CNNM4: variants seen among roughly 807,000 people sequenced by gnomAD.
CNNM4 encodes the protein cyclin and CBS domain divalent metal cation transport mediator 4.
A neutral mutation model predicts 53.7 loss-of-function variants in CNNM4; 32 were observed. The ratio of observed to expected loss-of-function variants is 0.60; its 90% CI spans 0.45 to 0.80. The LOEUF is 0.80. Among genes scored for constraint, CNNM4 ranks in the 30% least tolerant of loss-of-function variants. CNNM4 has a pLI of 0.00. For missense variants in CNNM4, 784 were observed against 1,022.0 expected (o/e 0.77, Z 3.17); for synonymous variants, 410 against 440.0 (o/e 0.93, Z 0.85).
Position 96,797,738 on chromosome 2 carries a change from G to C in CNNM4, c.1681+91G>C, listed in dbSNP as rs2153349424. 6.4e-7 allele frequency: 1 copy of C among 1,558,368 alleles called. No individual in the cohort carries two copies. The highest frequency in any genetic ancestry group is 8.7e-7 in the Non-Finnish European group (1 of 1,150,612). On this transcript the variant is annotated intron_variant, in intron 3 of 6. Transcript: ENST00000377075. This position sits in a 1 kb window ranked among gnomAD's most constrained non-coding sequence, Gnocchi z 6.0. ...CGGCTGCTTTCCCCCCATAGGACGA[G>C]GGCTGCAGCAGGTGAGGGGTGCAGA...
intron 1 of CNNM4, among the ~76,000 whole-genome samples, chr2:96,795,603 G>A (rs2079096563): frequency 6.6e-6 from 1 of 152,104 alleles, no homozygotes; most frequent in Non-Finnish European, 1.5e-5. Context: ...CCCATCTTGG[G>A]CTGGGGGATT....
chr2:96,808,437 C>A lies in CNNM4; in HGVS notation c.1949-124C>A. The A allele has an allele frequency of 1.1e-6, 1 of 922,764 alleles. No homozygotes were observed. 57.2% of individuals were successfully genotyped at this position (922,764 alleles called of 1,614,324 possible). ...GACCTTCTACATGCTTCTGTTTGTCCCTAAGAATGACTTCCTGTTCCTGGG... is the reference window on the plus strand; with the variant it reads ...GACCTTCTACATGCTTCTGTTTGTCACTAAGAATGACTTCCTGTTCCTGGG... On this transcript the variant is annotated intron_variant, in intron 5 of 6. Transcript: ENST00000377075. This position sits in a 1 kb window ranked among gnomAD's most constrained non-coding sequence, Gnocchi z 4.9.
Position 96,797,270 on chromosome 2 carries a change from C to A in CNNM4, c.1546+115C>A. ...CACAGGAGGCCTAGCATCCAGAGGC[C>A]CAGTGGCTGGGTGCCCTGCACTGGC... On this transcript the variant is annotated intron_variant, in intron 2 of 6. Transcript: ENST00000377075. This position sits in a 1 kb window ranked among gnomAD's most constrained non-coding sequence, Gnocchi z 6.0. 2 of 1,482,572 alleles carry A rather than the reference C, an allele frequency of 1.3e-6. No homozygotes were observed. The highest frequency in any genetic ancestry group is 4.6e-5 in the East Asian group (2 of 43,696). 91.8% of individuals were successfully genotyped at this position (1,482,572 alleles called of 1,614,324 possible).
rs759145970 is a variant in CNNM4 at position 96,809,518 on chromosome 2, C to T, written c.*1C>T. 2 of 1,614,002 alleles carry T rather than the reference C, an allele frequency of 1.2e-6. No individual in the cohort carries two copies. Among genetic ancestry groups the T allele is most frequent in the Admixed American group, 1.7e-5 (1 of 60,008 alleles). Reference sequence around the variant, plus strand: ...AGCCTCCCACGAGAATGCCATCTGACAGGAGGGCCCGGGGCCCCCTGCCCA... The same window carrying T: ...AGCCTCCCACGAGAATGCCATCTGATAGGAGGGCCCGGGGCCCCCTGCCCA... On this transcript the variant is annotated 3_prime_UTR_variant, in exon 7 of 7. Coordinates refer to ENST00000377075, the MANE Select transcript of CNNM4 (RefSeq NM_020184.4).
intron 1 of CNNM4, among the ~76,000 whole-genome samples, chr2:96,781,610 G>A (rs912703680): frequency 6.6e-6 from 1 of 152,186 alleles, no homozygotes; most frequent in Non-Finnish European, 1.5e-5. Context: ...AGGGCACTCT[G>A]TCTAGATATG....
intron 5 of CNNM4, among the ~76,000 whole-genome samples, chr2:96,803,170 A>G (rs537819242): frequency 6.6e-6 from 1 of 152,124 alleles, no homozygotes; most frequent in African/African-American, 2.4e-5. Context: ...CCCCAGTGTG[A>G]CCTCAGCCTC....
chr2:96,788,166 G>A (rs182282141), intron 1 of CNNM4, among the ~76,000 whole-genome samples: 4 of 151,806 alleles, frequency 2.6e-5, no homozygotes, highest in African/African-American at 4.8e-5. Context: ...CAAGTGATCC[G>A]CCCATTTTGG....
Position 96,799,130 on chromosome 2 carries a change from T to C in CNNM4, c.1755T>C (p.Ile585=). 2 of 1,613,490 alleles carry C rather than the reference T, an allele frequency of 1.2e-6. No individual in the cohort carries two copies. Among genetic ancestry groups the C allele is most frequent in the Non-Finnish European group, 1.7e-6 (2 of 1,179,944 alleles). ...LLRLLKYPDV[I]QELKFDEHNK... The stretch of plus-strand genomic sequence containing the variant: ...GGCTACTCAAGTACCCAGATGTCAT[T>C]CAGGAACTCAAGTTTGACGAGCACA... The change falls in exon 4 of 7, where the codon ATT becomes ATC. Residue 585 remains isoleucine, a synonymous_variant. Coordinates refer to ENST00000377075, the MANE Select transcript of CNNM4 (RefSeq NM_020184.4).
chr2:96,789,656 C>G (rs1416261137), intron 1 of CNNM4, among the ~76,000 whole-genome samples: 3 of 152,106 alleles, frequency 2.0e-5, no homozygotes, highest in Non-Finnish European at 4.4e-5. Flanking sequence ...ACCCTGAAGT[C>G]CCAGAGGAAG....
rs1558976503 is a variant in CNNM4 at position 96,761,525 on chromosome 2, C to T, written c.526C>T (p.Pro176Ser). The change falls in exon 1 of 7, where the codon CCT becomes TCT. Residue 176 changes from proline to serine, a missense_variant. Around this residue, in one of 3 missense-constraint regions of CNNM4, gnomAD observed 473 missense variants for 624.6 expected, o/e 0.76. Coordinates refer to ENST00000377075, the MANE Select transcript of CNNM4 (RefSeq NM_020184.4). The surrounding 1 kb of genome is among the most constrained non-coding windows in gnomAD (Gnocchi z 6.0). Reference protein sequence around the residue: ...KDSLLFMVEEPGRFLPLWLHI... With the variant: ...KDSLLFMVEESGRFLPLWLHI... ...CTCACTGCTCTTCATGGTGGAGGAGCCTGGGAGGTTCCTGCCTCTCTGGCT... is the reference window on the plus strand; with the variant it reads ...CTCACTGCTCTTCATGGTGGAGGAGTCTGGGAGGTTCCTGCCTCTCTGGCT... The T allele has an allele frequency of 1.2e-6, 2 of 1,614,056 alleles. No homozygotes were observed. The highest frequency in any genetic ancestry group is 2.2e-5 in the East Asian group (1 of 44,860).
At chr2:96,773,859 AG>A (rs1475302310) in intron 1 of CNNM4, among the ~76,000 whole-genome samples, 1 of 149,234 alleles carries the variant, frequency 6.7e-6, no homozygotes, top group East Asian at 1.9e-4. Flanking sequence ...AAAAAAAAAA[AG>A]TTAATTAAAT....
intron 1 of CNNM4, among the ~76,000 whole-genome samples, chr2:96,782,507 CA>C (rs1185171812): frequency 4.0e-5 from 6 of 151,792 alleles, no homozygotes; most frequent in Admixed American, 6.6e-5. Context: ...GATACCATAT[CA>C]TTTTTTTTTC....
chr2:96,762,092 G>T lies in CNNM4; in HGVS notation c.1093G>T (p.Ala365Ser). The change falls in exon 1 of 7, where the codon GCC becomes TCC. Residue 365 changes from alanine to serine, a missense_variant. Physicochemically the swap from Ala to Ser is moderately conservative, Grantham distance 99. This residue lies in a region of CNNM4 where 473 missense variants were observed against 624.6 expected (regional missense o/e 0.76). Transcript: ENST00000377075. ...VKEELNMIQG[A>S]LELRTKTVED... ...AGAGGAGCTCAATATGATCCAGGGT[G>T]CCCTGGAACTACGGACCAAAACTGT... 1 of 1,614,088 alleles carries T rather than the reference G, an allele frequency of 6.2e-7. No individual in the cohort carries two copies. Among genetic ancestry groups the T allele is most frequent in the Non-Finnish European group, 8.5e-7 (1 of 1,179,996 alleles).
intron 1 of CNNM4, among the ~76,000 whole-genome samples, chr2:96,789,310 G>A (rs1260506286): frequency 1.3e-5 from 2 of 152,222 alleles, no homozygotes; most frequent in Non-Finnish European, 2.9e-5. Context: ...GGATAAAGAG[G>A]TGACACGGAG....
At chr2:96,787,127 C>T (rs1234047763) in intron 1 of CNNM4, among the ~76,000 whole-genome samples, 3 of 152,202 alleles carry the variant, frequency 2.0e-5, no homozygotes, top group African/African-American at 7.2e-5. Context: ...CTCCTGGGCA[C>T]ACCTTGCATG....
At chr2:96,785,464 C>A (rs907841695) in intron 1 of CNNM4, among the ~76,000 whole-genome samples, 1 of 151,300 alleles carries the variant, frequency 6.6e-6, no homozygotes, top group Non-Finnish European at 1.5e-5. Flanking sequence ...TGGCGAAACC[C>A]CATCTCTACA....
intron 1 of CNNM4, among the ~76,000 whole-genome samples, chr2:96,782,376 C>A (rs1452536477): frequency 6.7e-6 from 1 of 149,554 alleles, no homozygotes; most frequent in Admixed American, 6.7e-5. Context: ...TGCACCATTG[C>A]ACTCTAGCCT....
Position 96,809,513 on chromosome 2 carries a change from TC to T in CNNM4, c.2325del (p.Ter776AspfsTer33). ...LLHKASHENA[I>X] ...CACAAAGCCTCCCACGAGAATGCCA[TC>T]TGACAGGAGGGCCCGGGGCCCCCTG... On this transcript the variant is annotated frameshift_variant, in exon 7 of 7. Transcript: ENST00000377075. LOFTEE classifies it high-confidence loss of function. 6.2e-7 allele frequency: 1 copy of T among 1,614,112 alleles called. No homozygotes were observed. Among genetic ancestry groups the T allele is most frequent in the Non-Finnish European group, 8.5e-7 (1 of 1,179,994 alleles).
chr2:96,788,785 C>T (rs1397964954), intron 1 of CNNM4: 2 of 152,044 alleles, frequency 1.3e-5, no homozygotes, highest in African/African-American at 2.4e-5. Flanking sequence ...CTGGACCTTC[C>T]TGGGAGACTC....
Sources: allele counts gnomAD v4.1 joint callset (sites outside exome capture counted in the v4.1 genomes callset), GRCh38; gene constraint gnomAD v4.1.1; regional missense constraint gnomAD v4.1.1; non-coding constraint Gnocchi (gnomAD v3.1); transcripts MANE v1.5; gene names NCBI Gene and HGNC (gene_info 2026-07-23, HGNC 2026-07-21).